VASH2: variants seen among roughly 807,000 people sequenced by gnomAD.
VASH2 encodes vasohibin 2, also known as tubulinyl-Tyr carboxypeptidase 2.
Under a neutral mutation model 37.2 loss-of-function variants are expected in VASH2, and 28 were observed. The observed-to-expected ratio is 0.75, with a 90% CI of 0.56 to 1.03. The LOEUF (loss-of-function observed/expected upper bound fraction) is 1.03. Ranked by LOEUF, VASH2 falls within the 50% of genes least tolerant of loss-of-function variation. VASH2 has a pLI of 0.00. For synonymous variants in VASH2, 188 were observed against 174.7 expected, an observed-to-expected ratio of 1.08 and a Z score of -0.60; for missense variants, 419 against 459.1, an observed-to-expected ratio of 0.91 and a Z score of 0.80.
intron 2 of VASH2, among the ~76,000 whole-genome samples, chr1:212,958,853 A>G (rs995647442): frequency 6.6e-6 from 1 of 151,628 alleles, no homozygotes; most frequent in Non-Finnish European, 1.5e-5. Context: ...AGCTGAAACT[A>G]CAGGCGTGCA....
At chr1:212,970,177 G>A (rs965076004) in intron 5 of VASH2, among the ~76,000 whole-genome samples, 7 of 152,156 alleles carry the variant, frequency 4.6e-5, no homozygotes, top group East Asian at 1.9e-4. Flanking sequence ...CTGGCTTGGC[G>A]CTGCTGCTCC....
Position 212,986,107 on chromosome 1 carries a change from A to G in VASH2, c.996-2405A>G, listed in dbSNP as rs574898387. 3.9e-5 allele frequency among the ~76,000 whole-genome samples: 6 copies of G among 152,354 alleles called. No individual in the cohort carries two copies. In the South Asian group the frequency reaches 1.2e-3, roughly 32 times the overall value. On this transcript the variant is annotated intron_variant, in intron 7 of 7. Transcript: ENST00000517399. ...TGTAGTTTATATTTGGATAAAAAATATATGCTTACCTAATTACAAAACCAG... is the reference window on the plus strand; with the variant it reads ...TGTAGTTTATATTTGGATAAAAAATGTATGCTTACCTAATTACAAAACCAG...
intron 2 of VASH2, among the ~76,000 whole-genome samples, chr1:212,957,933 A>C (rs1394704936): frequency 6.6e-6 from 1 of 152,214 alleles, no homozygotes; most frequent in Non-Finnish European, 1.5e-5. Flanking sequence ...ACCATATGCC[A>C]AGCCCCAAGT....
At chr1:212,978,826 C>T (rs1667255901) in intron 7 of VASH2, among the ~76,000 whole-genome samples, 1 of 152,154 alleles carries the variant, frequency 6.6e-6, no homozygotes, top group African/African-American at 2.4e-5. Context: ...TATGGTTATT[C>T]TTGGTGGCGG....
At chr1:212,959,025 G>A (rs1020311889) in intron 2 of VASH2, among the ~76,000 whole-genome samples, 6 of 152,150 alleles carry the variant, frequency 3.9e-5, no homozygotes, top group East Asian at 1.9e-4. Flanking sequence ...CACTGCGCCC[G>A]ACCTGCGTAT....
Position 212,989,069 on chromosome 1 carries a change from G to T in VASH2, c.*485G>T. ...TGACATCAGATATGCAAACTTAATG[G>T]CGTTTTGTTTTTTTATATTCTATTT... On this transcript the variant is annotated 3_prime_UTR_variant, in exon 8 of 8. Coordinates refer to ENST00000517399, the MANE Select transcript of VASH2 (RefSeq NM_001301056.2). The T allele has an allele frequency of 6.3e-6, 1 of 158,578 alleles. No homozygotes were observed. Among genetic ancestry groups the T allele is most frequent in the Non-Finnish European group, 1.4e-5 (1 of 71,178 alleles). 9.8% of individuals were successfully genotyped at this position (158,578 alleles called of 1,614,324 possible). A position where few individuals can be genotyped will look rare whatever the true frequency, so the allele number is the denominator to read the frequency against.
intron 7 of VASH2, among the ~76,000 whole-genome samples, chr1:212,981,799 G>A (rs1256372683): frequency 6.6e-6 from 1 of 152,110 alleles, no homozygotes; most frequent in Non-Finnish European, 1.5e-5. Context: ...TCCTCTCCTC[G>A]TCCTGTTTCT....
Position 212,951,648 on chromosome 1 carries a change from G to T in VASH2, c.106G>T (p.Gly36Trp), listed in dbSNP as rs1336157877. 1.9e-6 allele frequency: 3 copies of T among 1,585,426 alleles called. No homozygotes were observed. The highest frequency in any genetic ancestry group is 1.7e-4 in the Middle Eastern group (1 of 6,050). Residue 36 changes from glycine (G) to tryptophan (W), a missense_variant, in exon 2 of 8, where the codon GGG becomes TGG. Gly to Trp is a radical substitution (Grantham distance 184). Transcript: ENST00000517399. This position sits in a 1 kb window ranked among gnomAD's most constrained non-coding sequence, Gnocchi z 4.4. ...GCGGCCCGTGAGCCTCGCCACCAGC[G>T]GGGGCTCAGAGGAGGAGGACAAAGA... ...HARPVSLATSGGSEEEDKDGG... is the reference protein window; with the variant it reads ...HARPVSLATSWGSEEEDKDGG...
chr1:212,975,887 G>A (rs1257525524), intron 7 of VASH2, among the ~76,000 whole-genome samples: 1 of 152,206 alleles, frequency 6.6e-6, no homozygotes, highest in African/African-American at 2.4e-5. Flanking sequence ...ACCTGGCAAT[G>A]GATTCCTGCA....
At chr1:212,972,406 T>C (rs759570285) in intron 5 of VASH2, among the ~76,000 whole-genome samples, 174 bp from the exon 6 acceptor site, 2 of 152,204 alleles carry the variant, frequency 1.3e-5, no homozygotes, top group Non-Finnish European at 2.9e-5. Context: ...TAGTAGATAG[T>C]CAAACATAAC....
At chr1:212,953,412 C>T (rs546327322) in intron 2 of VASH2, among the ~76,000 whole-genome samples, 5 of 152,236 alleles carry the variant, frequency 3.3e-5, no homozygotes, top group African/African-American at 1.2e-4. Context: ...AGCTCTTAGA[C>T]CAACCATAAA....
At chr1:212,959,232 G>A (rs1252023336) in intron 2 of VASH2, among the ~76,000 whole-genome samples, 4 of 152,110 alleles carry the variant, frequency 2.6e-5, no homozygotes, top group Non-Finnish European at 5.9e-5. Flanking sequence ...TGCTAGGGCA[G>A]AAACACAGAA....
intron 2 of VASH2, among the ~76,000 whole-genome samples, chr1:212,954,057 C>T (rs561780905): frequency 3.3e-5 from 5 of 152,096 alleles, no homozygotes; most frequent in East Asian, 1.9e-4. Flanking sequence ...ACTACAGACA[C>T]GTACCACCCA....
chr1:212,972,847 G>C lies in VASH2; in HGVS notation c.765G>C (p.Glu255Asp), dbSNP rs762791391. 7.4e-6 allele frequency: 12 copies of C among 1,614,040 alleles called. No individual in the cohort carries two copies. In the East Asian group the frequency reaches 2.5e-4, roughly 33 times the overall value. The change falls in exon 6 of 8, where the codon GAG becomes GAC. Residue 255 changes from glutamate to aspartate, a missense_variant. Coordinates refer to ENST00000517399, the MANE Select transcript of VASH2 (RefSeq NM_001301056.2). ...AGATTGGGCTGTACGTCCCCCATGA[G>C]CCTCATAGCTTCCAGCCCATTGAGT... ...KVKIGLYVPH[E>D]PHSFQPIEWK...
chr1:212,979,628 C>G (rs1217090817), intron 7 of VASH2, among the ~76,000 whole-genome samples: 3 of 152,134 alleles, frequency 2.0e-5, no homozygotes, highest in Admixed American at 6.5e-5. Context: ...TAATCCCTTT[C>G]GAGAGGAGGA....
intron 7 of VASH2, among the ~76,000 whole-genome samples, chr1:212,975,875 C>T (rs1400237933): frequency 6.6e-6 from 1 of 152,220 alleles, no homozygotes; most frequent in Non-Finnish European, 1.5e-5. Flanking sequence ...CCCAAGCATT[C>T]CACCTGGCAA....
At chr1:212,970,440 G>A (rs1423961995) in intron 5 of VASH2, among the ~76,000 whole-genome samples, 1 of 152,158 alleles carries the variant, frequency 6.6e-6, no homozygotes, top group Non-Finnish European at 1.5e-5. Flanking sequence ...CCCCTCCTCT[G>A]TCCACCCAGA....
chr1:212,957,312 C>T (rs1666528255), intron 2 of VASH2, among the ~76,000 whole-genome samples: 1 of 152,154 alleles, frequency 6.6e-6, no homozygotes, highest in South Asian at 2.1e-4. Flanking sequence ...GGGTTGCTTC[C>T]ACCTTTGGGG....
At position 212,963,625 on chromosome 1, in the gene VASH2, G is replaced by C. The variant is rs191226076; in HGVS notation, c.366-2097G>C. On this transcript the variant is annotated intron_variant, in intron 3 of 7. Transcript: ENST00000517399. ...GGTGCCATGTGAGCTCTGCTGGATT[G>C]GGGGAGAAGCCTTCTAACAGCAAAT... Among the ~76,000 whole-genome samples, 14 of 145,840 alleles carry C rather than the reference G, an allele frequency of 9.6e-5. No homozygotes were observed. The East Asian group carries it at 2.3e-3, about 24-fold the overall frequency.
Sources: gnomAD v4.1 joint callset for allele counts (sites outside exome capture counted in the v4.1 genomes callset) on GRCh38, gnomAD v4.1.1 for gene constraint, Gnocchi (gnomAD v3.1) non-coding constraint, MANE v1.5 for transcripts, NCBI Gene and HGNC (gene_info 2026-07-23, HGNC 2026-07-21) for gene names.